Variants in TERF2 observed in about 807,000 individuals in gnomAD.
The protein encoded by TERF2 is telomeric repeat-binding factor 2.
A neutral mutation model predicts 56.1 loss-of-function variants in TERF2; 16 were observed. The observed-to-expected ratio is 0.29, with a 90% CI of 0.19 to 0.43. TERF2 has a LOEUF of 0.43. Among genes scored for constraint, TERF2 ranks in the 20% least tolerant of loss-of-function variants. TERF2 has a pLI of 1.00. For synonymous variants in TERF2, 296 were observed against 282.1 expected (o/e 1.05, Z -0.50); for missense variants, 547 against 712.9 (o/e 0.77, Z 2.65).
At chr16:69,384,087 C>T (rs2014098655) in intron 3 of TERF2, among the ~76,000 whole-genome samples, 1 of 152,138 alleles carries the variant, frequency 6.6e-6, no homozygotes, top group South Asian at 2.1e-4. Flanking sequence ...ATTCTTCTAC[C>T]ATTACTATTT....
At chr16:69,363,265 C>T (rs902573116) in intron 7 of TERF2, among the ~76,000 whole-genome samples, 2 of 152,184 alleles carry the variant, frequency 1.3e-5, no homozygotes, top group Non-Finnish European at 2.9e-5. Context: ...CCTCAGTCCC[C>T]AGCTGGTCCG....
At position 69,381,477 on chromosome 16, in the gene TERF2, T is replaced by C. The variant is rs112221783; in HGVS notation, c.606+3103A>G. ...AGAAACATTTTAGTCATACTTCCTC[T>C]TATTTTTTTTTTTTTCTTTTTTGAC... On this transcript the variant is annotated intron_variant, in intron 3 of 9. Transcript: ENST00000254942. Among the ~76,000 whole-genome samples, 385 of 151,834 alleles carry C rather than the reference T, an allele frequency of 2.5e-3. 1 individual carries two copies. The highest frequency in any genetic ancestry group is 7.6e-3 in the African/African-American group (316 of 41,342).
rs1478436734 is a variant in TERF2 at position 69,366,879 on chromosome 16, T to C, written c.1268A>G (p.Gln423Arg). The change falls in exon 7 of 10, where the codon CAG becomes CGG. Residue 423 changes from glutamine (Q) to arginine (R), a missense_variant. Gln to Arg is a conservative substitution (Grantham distance 43). Transcript: ENST00000254942. The part of the protein sequence containing the change: ...TEPSAGLNSS[Q>R]EAASAPPSKP... ...GGATGGTGGCGCTGAAGCGGCCTCC[T>C]GGGAGGAGTTGAGGCCTGCGCTGGG... 6.8e-6 allele frequency: 11 copies of C among 1,614,112 alleles called. No individual in the cohort carries two copies. Among genetic ancestry groups the C allele is most frequent in the Non-Finnish European group, 9.3e-6 (11 of 1,180,048 alleles).
chr16:69,374,400 C>T (rs1319437839), intron 3 of TERF2, among the ~76,000 whole-genome samples: 1 of 151,786 alleles, frequency 6.6e-6, no homozygotes, highest in African/African-American at 2.4e-5. Flanking sequence ...GAAACTGAGA[C>T]AGGAGGATCA....
intron 3 of TERF2, among the ~76,000 whole-genome samples, chr16:69,381,003 C>T (rs897147876): frequency 1.3e-5 from 2 of 151,970 alleles, no homozygotes; most frequent in Non-Finnish European, 2.9e-5. Flanking sequence ...CGAGGTTTCA[C>T]TATGTTGGCC....
chr16:69,372,472 C>A, intron 3 of TERF2, 117 bp from the exon 4 acceptor site: 1 of 720,404 alleles, frequency 1.4e-6, no homozygotes, highest in East Asian at 3.1e-5. Context: ...TAAAAACTAA[C>A]AATTATAAAG....
intron 8 of TERF2, 21 bp from the exon 9 acceptor site, chr16:69,357,582 A>G (rs373720388): frequency 8.8e-5 from 142 of 1,612,218 alleles, no homozygotes; most frequent in Non-Finnish European, 1.1e-4. Context: ...TTAAAAGTAG[A>G]CTCATTTCAG....
At chr16:69,368,704 T>G in intron 5 of TERF2, 1 of 1,053,858 alleles carries the variant, frequency 9.5e-7, no homozygotes, top group Non-Finnish European at 1.3e-6. Flanking sequence ...TGAGAGGGAG[T>G]CTTGCTCTGT....
At chr16:69,361,223 C>T (rs1204787677) in intron 8 of TERF2, 181 bp downstream of exon 8, 13 of 601,666 alleles carry the variant, frequency 2.2e-5, no homozygotes, top group African/African-American at 3.8e-5. Context: ...CAGAGCAAGA[C>T]CCTGTCTGAA....
At chr16:69,368,568 T>C in intron 5 of TERF2, 86 bp from the exon 6 acceptor site, 1 of 1,572,720 alleles carries the variant, frequency 6.4e-7, no homozygotes, top group Non-Finnish European at 8.6e-7. Flanking sequence ...ATACTCAATA[T>C]GCAAACAAGT....
At chr16:69,359,090 G>A (rs963684056) in intron 8 of TERF2, among the ~76,000 whole-genome samples, 2 of 152,152 alleles carry the variant, frequency 1.3e-5, no homozygotes, top group Non-Finnish European at 1.5e-5. Flanking sequence ...GAATTTTTCA[G>A]CTCTATATAT....
intron 7 of TERF2, among the ~76,000 whole-genome samples, chr16:69,363,264 C>T (rs2013210927): frequency 6.6e-6 from 1 of 152,210 alleles, no homozygotes; most frequent in Non-Finnish European, 1.5e-5. Flanking sequence ...ACCTCAGTCC[C>T]CAGCTGGTCC....
chr16:69,370,349 G>T, intron 5 of TERF2, 134 bp downstream of exon 5: 1 of 1,257,806 alleles, frequency 8.0e-7, no homozygotes, highest in Non-Finnish European at 1.1e-6. Context: ...CATTTTTAAG[G>T]CATTTAATTA....
chr16:69,368,441 A>T lies in TERF2; in HGVS notation c.882T>A (p.Ser294Arg), dbSNP rs765943586. The T allele has an allele frequency of 1.9e-6, 3 of 1,614,146 alleles. No homozygotes were observed. The highest frequency in any genetic ancestry group is 3.3e-5 in the Admixed American group (2 of 60,016). ...CTGGCTGTTTATCTTCCTTCCCTGT[A>T]CTTGAGGCAGCGGACTCAGATTTCA... ...KALKSESAAS[S>R]TGKEDKQPAP... The change falls in exon 6 of 10, where the codon AGT (serine) becomes AGA (arginine). Residue 294 changes from serine (S) to arginine (R), a missense_variant. By Grantham distance (110) the Ser-to-Arg change is moderately radical. This residue lies in a region of TERF2 where 211 missense variants were observed against 236.8 expected (regional missense o/e 0.89). Coordinates refer to ENST00000254942, the MANE Select transcript of TERF2 (RefSeq NM_005652.5).
intron 5 of TERF2, among the ~76,000 whole-genome samples, chr16:69,369,976 G>A (rs2013503029): frequency 1.3e-5 from 2 of 152,204 alleles, no homozygotes; most frequent in Non-Finnish European, 2.9e-5. Flanking sequence ...AATGGCAGAT[G>A]AGGGAGACCA....
chr16:69,384,856 T>C (rs563059713), intron 2 of TERF2, 146 bp from the exon 3 acceptor site: 120 of 753,852 alleles, frequency 1.6e-4, no homozygotes, highest in Admixed American at 5.2e-4. Context: ...TTGCTACAGG[T>C]TGACATACAC....
intron 3 of TERF2, among the ~76,000 whole-genome samples, chr16:69,374,103 T>C (rs891513692): frequency 2.6e-5 from 4 of 152,210 alleles, no homozygotes; most frequent in Non-Finnish European, 4.4e-5. Flanking sequence ...CATTTATACA[T>C]CACTTTCAGC....
At chr16:69,369,417 G>T (rs1462113340) in intron 5 of TERF2, among the ~76,000 whole-genome samples, 1 of 152,054 alleles carries the variant, frequency 6.6e-6, no homozygotes, top group African/African-American at 2.4e-5. Flanking sequence ...TCCCACTTCA[G>T]CCTCCCAAGT....
chr16:69,367,194 A>G lies in TERF2; in HGVS notation c.953T>C (p.Leu318Pro), dbSNP rs1426490976. 78 of 1,600,758 alleles carry G rather than the reference A, an allele frequency of 4.9e-5. No homozygotes were observed. The highest frequency in any genetic ancestry group is 6.6e-5 in the Non-Finnish European group (77 of 1,170,760). Residue 318 changes from leucine (L) to proline (P), a missense_variant, in exon 7 of 10, where the codon CTA becomes CCA. Transcript: ENST00000254942. Reference protein sequence around the residue: ...EKPPREPARQLRNPPTTIGMM... With the variant: ...EKPPREPARQPRNPPTTIGMM... ...TCCAATGGTGGTTGGAGGATTCCGTAGCTGCCTGCAAATCAAGCATAGGCA... is the reference window on the plus strand; with the variant it reads ...TCCAATGGTGGTTGGAGGATTCCGTGGCTGCCTGCAAATCAAGCATAGGCA...
Sources: allele counts gnomAD v4.1 joint callset (sites outside exome capture counted in the v4.1 genomes callset), GRCh38; gene constraint gnomAD v4.1.1; regional missense constraint gnomAD v4.1.1; transcripts MANE v1.5; gene names NCBI Gene and HGNC (gene_info 2026-07-23, HGNC 2026-07-21).